ATRN: variants seen among roughly 807,000 people sequenced by gnomAD.
ATRN encodes attractin.
In ATRN, 54 loss-of-function variants were observed where a neutral mutation model predicts 178.7. The ratio of observed to expected loss-of-function variants is 0.30; its 90% CI spans 0.24 to 0.38. The LOEUF (loss-of-function observed/expected upper bound fraction) is 0.38, where lower values mean the gene tolerates loss of function less well. ATRN is among the 10% of genes least tolerant of loss of function. The pLI, the probability that ATRN is intolerant of heterozygous loss-of-function variation, is 1.00. For synonymous variants in ATRN, 636 were observed against 663.0 expected (o/e 0.96, Z 0.63); for missense variants, 1,443 against 1,815.1 (o/e 0.79, Z 3.73).
intron 3 of ATRN, among the ~76,000 whole-genome samples, chr20:3,540,661 G>C (rs2085605745): frequency 1.3e-5 from 2 of 152,160 alleles, no homozygotes; most frequent in South Asian, 4.1e-4. Flanking sequence ...TATATTGAAT[G>C]ATACTATTTC....
In ATRN at chr20:3,598,110, C is replaced by T. The variant is rs561388285; in HGVS notation, c.3564+110C>T. The stretch of plus-strand genomic sequence containing the variant: ...ACAGTGCTCTCCAGACTGGAGTACA[C>T]GAGATGATCTCTAGAGGTATAGGAA... On this transcript the variant is annotated intron_variant, in intron 22 of 28. Coordinates refer to ENST00000262919, the MANE Select transcript of ATRN (RefSeq NM_139321.3). 167 of 692,564 alleles carry T rather than the reference C, an allele frequency of 2.4e-4. 1 individual carries two copies. The Middle Eastern group carries it at 6.6e-3, about 28-fold the overall frequency. 42.9% of individuals were successfully genotyped at this position (692,564 alleles called of 1,614,324 possible).
intron 6 of ATRN, among the ~76,000 whole-genome samples, chr20:3,552,875 A>G (rs530980948): frequency 2.5e-4 from 38 of 152,286 alleles, no homozygotes; most frequent in African/African-American, 8.9e-4. Flanking sequence ...CTTCACCAGT[A>G]TAGCTGCTTA....
chr20:3,574,926 T>C (rs1157142527), intron 12 of ATRN, among the ~76,000 whole-genome samples: 1 of 151,702 alleles, frequency 6.6e-6, no homozygotes, highest in African/African-American at 2.4e-5. Flanking sequence ...CACGAGATGG[T>C]TGAACAGATG....
At chr20:3,532,607 T>C (rs2085469345) in intron 1 of ATRN, among the ~76,000 whole-genome samples, 2 of 152,086 alleles carry the variant, frequency 1.3e-5, no homozygotes, top group Admixed American at 1.3e-4. Flanking sequence ...GGTTACAACT[T>C]GATTATAGTA....
intron 1 of ATRN, among the ~76,000 whole-genome samples, chr20:3,500,860 TA>T (rs981159743): frequency 6.6e-6 from 1 of 151,860 alleles, no homozygotes; most frequent in African/African-American, 2.4e-5. Flanking sequence ...TAAAAAAATT[TA>T]AAAAAATAAA....
intron 2 of ATRN, among the ~76,000 whole-genome samples, chr20:3,535,875 T>C (rs151571): frequency 0.27 from 40,501 of 151,682 alleles, 5,912 homozygotes; most frequent in African/African-American, 0.33. Context: ...AGTGATCCGC[T>C]CGCCTCAGCC....
Position 3,634,569 on chromosome 20 carries a change from A to C in ATRN, c.3942+180A>C, listed in dbSNP as rs1353582949. 2.0e-5 allele frequency among the ~76,000 whole-genome samples: 3 copies of C among 152,316 alleles called. No individual in the cohort carries two copies. The East Asian group carries it at 5.8e-4, about 29-fold the overall frequency. On this transcript the variant is annotated intron_variant, in intron 26 of 28. Coordinates refer to ENST00000262919, the MANE Select transcript of ATRN (RefSeq NM_139321.3). ...TGCAGCATATGGTCAGTAGACTTAG[A>C]TGAGTGCTACATAAAGTGTAATTAG...
At chr20:3,545,508 G>T (rs750048419) in intron 3 of ATRN, among the ~76,000 whole-genome samples, 3 of 152,074 alleles carry the variant, frequency 2.0e-5, no homozygotes, top group Non-Finnish European at 2.9e-5. Context: ...ATAAGAAAAA[G>T]AATAGGGCCA....
intron 1 of ATRN, among the ~76,000 whole-genome samples, chr20:3,530,616 T>A (rs1290305406): frequency 6.6e-6 from 1 of 151,978 alleles, no homozygotes; most frequent in African/African-American, 2.4e-5. Flanking sequence ...TTAGGTCTAG[T>A]AGATGAAAAT....
At position 3,649,400 on chromosome 20, in the gene ATRN, G is replaced by A. The variant is rs1359161473; in HGVS notation, c.*2553G>A. ...ATTTTTATTAAATATAACAATGTCT[G>A]AGTTTCACCTAAGATGTTTTTGTGC... is the stretch of plus-strand genomic sequence containing the variant. On this transcript the variant is annotated 3_prime_UTR_variant, in exon 29 of 29. Transcript: ENST00000262919. 43 of 152,564 alleles carry A rather than the reference G, an allele frequency of 2.8e-4. No individual in the cohort carries two copies. The allele number at this position is 152,564 out of a possible 1,614,324, so 9.5% of individuals were successfully genotyped here.
intron 18 of ATRN, among the ~76,000 whole-genome samples, chr20:3,585,427 G>A (rs568847465): frequency 6.6e-6 from 1 of 152,280 alleles, no homozygotes; most frequent in South Asian, 2.1e-4. Flanking sequence ...GTGGTTATTG[G>A]AGATAAAGAA....
At chr20:3,537,716 G>A (rs891956396) in intron 2 of ATRN, among the ~76,000 whole-genome samples, 18 of 147,784 alleles carry the variant, frequency 1.2e-4, no homozygotes, top group East Asian at 4.2e-4. Flanking sequence ...CTATGTCCAA[G>A]TGTTCTCATT....
chr20:3,602,792 C>G (rs550193253), intron 23 of ATRN, among the ~76,000 whole-genome samples: 1 of 151,348 alleles, frequency 6.6e-6, no homozygotes, highest in Admixed American at 6.6e-5. Flanking sequence ...GGTGAAATCC[C>G]GTCCCTACTA....
rs773791914 is a variant in ATRN at position 3,644,245 on chromosome 20, G to T, written c.4142G>T (p.Gly1381Val). 1.2e-6 allele frequency: 2 copies of T among 1,613,948 alleles called. No individual in the cohort carries two copies. The highest frequency in any genetic ancestry group is 2.7e-5 in the African/African-American group (2 of 74,930). ...GTGAGGCTCCCTCGAGGCCTGGGTGGCATCCCTCCTCCTGGGCAGTCAGGT... is the reference window on the plus strand; with the variant it reads ...GTGAGGCTCCCTCGAGGCCTGGGTGTCATCCCTCCTCCTGGGCAGTCAGGT... ...VFVRLPRGLG[G>V]IPPPGQSGLA... Residue 1381 changes from glycine to valine, a missense_variant, in exon 28 of 29, where the codon GGC becomes GTC. Physicochemically the swap from Gly to Val is moderately radical, Grantham distance 109. This residue lies in a region of ATRN where 289 missense variants were observed against 440.8 expected (regional missense o/e 0.66). Coordinates refer to ENST00000262919, the MANE Select transcript of ATRN (RefSeq NM_139321.3).
intron 4 of ATRN, among the ~76,000 whole-genome samples, chr20:3,546,401 T>C (rs1341901495): frequency 2.0e-5 from 3 of 149,410 alleles, no homozygotes; most frequent in Non-Finnish European, 4.5e-5. Context: ...TTTTTTTTTT[T>C]TTTTTTTTGA....
chr20:3,512,107 A>ATATATT, intron 1 of ATRN, among the ~76,000 whole-genome samples: 1 of 106,394 alleles, frequency 9.4e-6, no homozygotes, highest in Non-Finnish European at 1.8e-5. Context: ...ATATATATAT[A>ATATATT]TTTTTTTTTT....
chr20:3,573,390 A>G (rs1352175059), intron 12 of ATRN, among the ~76,000 whole-genome samples: 1 of 152,200 alleles, frequency 6.6e-6, no homozygotes, highest in Non-Finnish European at 1.5e-5. Flanking sequence ...ATTTAATTTA[A>G]TTTTAATTTA....
chr20:3,596,365 T>C lies in ATRN; in HGVS notation c.3417-12T>C, dbSNP rs1163643372. On this transcript the variant is annotated splice_polypyrimidine_tract_variant and intron_variant, in intron 20 of 28. Coordinates refer to ENST00000262919, the MANE Select transcript of ATRN (RefSeq NM_139321.3). ...TAAATAGCAGTATAAAATAGTCTTT[T>C]TTCCCCCCCAGATGTGAGGTAGAAA... The C allele has an allele frequency of 6.2e-7, 1 of 1,611,218 alleles. No individual in the cohort carries two copies. The highest frequency in any genetic ancestry group is 1.7e-5 in the Admixed American group (1 of 59,978).
chr20:3,631,401 A>G (rs906494746), intron 25 of ATRN, among the ~76,000 whole-genome samples: 2 of 152,244 alleles, frequency 1.3e-5, no homozygotes, highest in Admixed American at 6.5e-5. Flanking sequence ...AAATCAATGT[A>G]AAGTGAGTTA....
Sources: gnomAD v4.1 joint callset for allele counts (sites outside exome capture counted in the v4.1 genomes callset) on GRCh38, gnomAD v4.1.1 for gene constraint, gnomAD v4.1.1 regional missense constraint, MANE v1.5 for transcripts, NCBI Gene and HGNC (gene_info 2026-07-23, HGNC 2026-07-21) for gene names.